Variants in PARN observed in about 807,000 individuals in gnomAD.
The protein encoded by PARN is poly(A)-specific ribonuclease PARN.
PARN carries 71 observed loss-of-function variants against 102.8 expected under a neutral mutation model. That is an observed-to-expected ratio of 0.69 (90% CI 0.57 to 0.84). PARN has a LOEUF of 0.84. Among genes scored for constraint, PARN ranks in the 40% least tolerant of loss-of-function variants. The probability of loss-of-function intolerance (pLI) is 0.00; values close to 1 mark genes in which losing one functional copy is unlikely to be tolerated. For missense variants in PARN, 782 were observed against 760.9 expected, an observed-to-expected ratio of 1.03 and a Z score of -0.33; for synonymous variants, 261 against 252.9, an observed-to-expected ratio of 1.03 and a Z score of -0.30.
At chr16:14,562,952 C>T (rs1013092206) in intron 18 of PARN, among the ~76,000 whole-genome samples, 1 of 152,166 alleles carries the variant, frequency 6.6e-6, no homozygotes, top group Non-Finnish European at 1.5e-5. Flanking sequence ...AAGCCATTCC[C>T]TAGTAGTCCG....
In PARN at chr16:14,520,369, A is replaced by G. The variant is rs138035528; in HGVS notation, c.1480+31652T>C. On this transcript the variant is annotated intron_variant, in intron 21 of 23. Transcript: ENST00000437198. ...AATTTTAACAGTCTATCAATAGTTT[A>G]TCATTTTAAGATATTAATGATTTAT... Among the ~76,000 whole-genome samples the G allele has an allele frequency of 2.6e-3, 397 of 152,322 alleles. 1 individual carries two copies. Among genetic ancestry groups the G allele is most frequent in the African/African-American group, 9.1e-3 (380 of 41,564 alleles).
intron 5 of PARN, 24 bp from the exon 6 acceptor site, chr16:14,617,674 A>G (rs1298990637): frequency 2.8e-6 from 4 of 1,453,950 alleles, no homozygotes; most frequent in Non-Finnish European, 3.9e-6. Context: ...AACAGAACAC[A>G]TGTTTTGGGG....
At chr16:14,443,268 T>C (rs1466111436) in intron 23 of PARN, among the ~76,000 whole-genome samples, 1 of 152,110 alleles carries the variant, frequency 6.6e-6, no homozygotes, top group African/African-American at 2.4e-5. Context: ...GATATCAAAA[T>C]GTATACTATG....
chr16:14,493,136 G>A (rs541350464), intron 21 of PARN, among the ~76,000 whole-genome samples: 1 of 151,686 alleles, frequency 6.6e-6, no homozygotes, highest in Non-Finnish European at 1.5e-5. Context: ...AAAATTTTCC[G>A]AGACCAAAAT....
intron 18 of PARN, chr16:14,565,069 G>A (rs974811758): frequency 6.6e-6 from 1 of 152,110 alleles, no homozygotes; most frequent in Non-Finnish European, 1.5e-5. Flanking sequence ...CTTCAGGGCA[G>A]AGCAGTAAAA....
chr16:14,448,034 G>C (rs549699814), intron 22 of PARN, among the ~76,000 whole-genome samples: 1 of 152,258 alleles, frequency 6.6e-6, no homozygotes, highest in South Asian at 2.1e-4. Context: ...ACCTAGGCTG[G>C]AGTGCAGTGG....
At chr16:14,470,437 G>GATT (rs56768991) in intron 22 of PARN, among the ~76,000 whole-genome samples, 30,859 of 146,832 alleles carry the variant, frequency 0.21, 3,387 homozygotes, top group Non-Finnish European at 0.24. Flanking sequence ...GAGTTTGGAT[G>GATT]ATTATTATTA....
chr16:14,571,862 C>T (rs1162174389), intron 18 of PARN, among the ~76,000 whole-genome samples: 1 of 152,130 alleles, frequency 6.6e-6, no homozygotes, highest in Admixed American at 6.5e-5. Context: ...GGAGCAGAGC[C>T]GGGATTCAAC....
At chr16:14,524,336 T>C (rs1480601633) in intron 21 of PARN, among the ~76,000 whole-genome samples, 1 of 152,132 alleles carries the variant, frequency 6.6e-6, no homozygotes, top group South Asian at 2.1e-4. Flanking sequence ...ATCACGGCGG[T>C]TTAGATCATC....
intron 21 of PARN, among the ~76,000 whole-genome samples, chr16:14,540,769 T>C (rs775277091): frequency 2.0e-5 from 3 of 151,710 alleles, no homozygotes; most frequent in Non-Finnish European, 2.9e-5. Flanking sequence ...CTGGGCAACA[T>C]GGCAAATCCT....
At chr16:14,451,869 C>CAAAAAAAAAAAAAAAAAA (rs869041563) in intron 22 of PARN, among the ~76,000 whole-genome samples, 28 of 52,500 alleles carry the variant, frequency 5.3e-4, no homozygotes, top group South Asian at 1.7e-3. Flanking sequence ...AAAAAAAATA[C>CAAAAAAAAAAAAAAAAAA]AAAAAAAAAA....
At chr16:14,574,344 C>T (rs945794136) in intron 18 of PARN, among the ~76,000 whole-genome samples, 1 of 152,128 alleles carries the variant, frequency 6.6e-6, no homozygotes, top group African/African-American at 2.4e-5. Flanking sequence ...GACCTGAGTG[C>T]TGTTAAAGGC....
chr16:14,567,902 A>G (rs1968525651), intron 18 of PARN, among the ~76,000 whole-genome samples: 1 of 152,240 alleles, frequency 6.6e-6, no homozygotes, highest in African/African-American at 2.4e-5. Context: ...CAAGACCTTT[A>G]AAATTAAGAT....
chr16:14,521,346 G>A (rs1206817924), intron 21 of PARN, among the ~76,000 whole-genome samples: 1 of 152,142 alleles, frequency 6.6e-6, no homozygotes, highest in Non-Finnish European at 1.5e-5. Flanking sequence ...TGGCCTGCAG[G>A]TCCCTGCGTC....
chr16:14,554,913 A>G (rs986550305), intron 19 of PARN, among the ~76,000 whole-genome samples: 3 of 152,214 alleles, frequency 2.0e-5, no homozygotes, highest in Admixed American at 1.3e-4. Flanking sequence ...CTTGCTTTCT[A>G]ATCCCAAACC....
intron 13 of PARN, among the ~76,000 whole-genome samples, chr16:14,588,528 G>A (rs1480681868): frequency 6.6e-6 from 1 of 152,140 alleles, no homozygotes; most frequent in East Asian, 1.9e-4. Context: ...GAAACACCTA[G>A]AAGCACAGAA....
intron 10 of PARN, among the ~76,000 whole-genome samples, chr16:14,605,822 T>G (rs77491204): frequency 0.043 from 6,568 of 152,270 alleles, 159 homozygotes; most frequent in African/African-American, 0.051. Flanking sequence ...ATTCTAAAAT[T>G]TAATTTTGTC....
At chr16:14,533,969 C>T (rs561446709) in intron 21 of PARN, among the ~76,000 whole-genome samples, 195 of 152,336 alleles carry the variant, frequency 1.3e-3, no homozygotes, top group African/African-American at 4.4e-3. Flanking sequence ...CGCCTGTAAT[C>T]CCAGCACTTT....
intron 7 of PARN, among the ~76,000 whole-genome samples, chr16:14,609,719 C>A (rs543864154): frequency 3.3e-4 from 51 of 152,266 alleles, no homozygotes; most frequent in African/African-American, 1.2e-3. Context: ...ATGGTTACAC[C>A]AACAACTAAG....
Sources: gnomAD v4.1 joint callset for allele counts (sites outside exome capture counted in the v4.1 genomes callset) on GRCh38, gnomAD v4.1.1 for gene constraint, MANE v1.5 for transcripts, NCBI Gene and HGNC (gene_info 2026-07-23, HGNC 2026-07-21) for gene names.